Variants in BIRC6 observed in about 807,000 individuals in gnomAD.
The protein encoded by BIRC6 is baculoviral IAP repeat containing 6.
In BIRC6, 98 loss-of-function variants were observed where a neutral mutation model predicts 503.3. That is an observed-to-expected ratio of 0.19 (90% CI 0.17 to 0.23). BIRC6 has a LOEUF of 0.23. Among genes scored for constraint, BIRC6 ranks in the 10% least tolerant of loss-of-function variants. The pLI is 1.00. For missense variants in BIRC6, 5,360 were observed against 5,806.0 expected (o/e 0.92, Z 2.50); for synonymous variants, 2,240 against 2,078.7 (o/e 1.08, Z -2.11).
Position 32,545,842 on chromosome 2 carries a change from T to C in BIRC6, c.12792T>C (p.Ser4264=), listed in dbSNP as rs745952371. Residue 4264 remains serine, a synonymous_variant, in exon 63 of 74, where the codon TCT becomes TCC. Transcript: ENST00000421745. ...LSHHSPRVPN[S]SVNQTEPQVS... is the part of the protein sequence containing the mutation. Reference sequence around the variant, plus strand: ...ACCATTCCCCACGAGTTCCAAACTCTAGCGTGAATCAAACTGAGGTAGGTT... The same window carrying C: ...ACCATTCCCCACGAGTTCCAAACTCCAGCGTGAATCAAACTGAGGTAGGTT... 2.5e-6 allele frequency: 4 copies of C among 1,613,356 alleles called. No homozygotes were observed. Among genetic ancestry groups the C allele is most frequent in the African/African-American group, 1.3e-5 (1 of 74,904 alleles).
chr2:32,524,332 A>G (rs997094075), intron 57 of BIRC6, among the ~76,000 whole-genome samples: 5 of 152,182 alleles, frequency 3.3e-5, no homozygotes, highest in East Asian at 1.9e-4. Context: ...TTTGTCCTAA[A>G]TAAAAATTAA....
chr2:32,358,596 T>A (rs909751795), intron 1 of BIRC6, among the ~76,000 whole-genome samples: 2 of 152,218 alleles, frequency 1.3e-5, no homozygotes, highest in African/African-American at 4.8e-5. Flanking sequence ...GTGGAAGTAG[T>A]TATGTGGTCA....
intron 6 of BIRC6, among the ~76,000 whole-genome samples, chr2:32,399,779 T>A (rs1332208214): frequency 6.6e-6 from 1 of 151,890 alleles, no homozygotes; most frequent in Non-Finnish European, 1.5e-5. Flanking sequence ...ATATTTTAAT[T>A]TAAATTTTTA....
intron 61 of BIRC6, among the ~76,000 whole-genome samples, chr2:32,542,670 TTAAA>T (rs2057760325): frequency 6.6e-6 from 1 of 152,236 alleles, no homozygotes; most frequent in African/African-American, 2.4e-5. Context: ...AATAAGATGT[TTAAA>T]TAGTCTCAAG....
At chr2:32,527,358 T>C (rs2056363206) in intron 59 of BIRC6, 1 of 152,252 alleles carries the variant, frequency 6.6e-6, no homozygotes, top group African/African-American at 2.4e-5. Context: ...AACTAATGTT[T>C]ATGCCATGTA....
intron 65 of BIRC6, chr2:32,574,643 G>T: frequency 6.1e-6 from 1 of 164,302 alleles, no homozygotes. Flanking sequence ...TTCATGTTGA[G>T]TAGCCTAATG....
At chr2:32,472,104 T>C (rs2049173442) in intron 32 of BIRC6, among the ~76,000 whole-genome samples, 1 of 152,246 alleles carries the variant, frequency 6.6e-6, no homozygotes, top group Non-Finnish European at 1.5e-5. Flanking sequence ...TCTCGTTCTG[T>C]GGCCCAGGTT....
chr2:32,417,317 A>G (rs2042480926), intron 10 of BIRC6, among the ~76,000 whole-genome samples: 1 of 151,372 alleles, frequency 6.6e-6, no homozygotes, highest in South Asian at 2.1e-4. Context: ...TAATTGTTGT[A>G]TTTTTTTGTA....
intron 65 of BIRC6, among the ~76,000 whole-genome samples, chr2:32,570,279 C>A (rs2059828432): frequency 6.6e-6 from 1 of 151,750 alleles, no homozygotes; most frequent in Admixed American, 6.6e-5. Context: ...GATGTATTAT[C>A]TTTTTTTTGT....
chr2:32,417,407 G>T (rs142778281), intron 10 of BIRC6, among the ~76,000 whole-genome samples: 15 of 152,144 alleles, frequency 9.9e-5, no homozygotes, highest in African/African-American at 3.6e-4. Context: ...GCCTCCCAAA[G>T]TGCTGGGATT....
At chr2:32,432,646 G>A (rs928916454) in intron 12 of BIRC6, among the ~76,000 whole-genome samples, 6 of 151,658 alleles carry the variant, frequency 4.0e-5, no homozygotes, top group African/African-American at 7.3e-5. Context: ...TGTGGTCCCA[G>A]ATACTTGGGA....
At chr2:32,367,010 G>T (rs2035037368) in intron 1 of BIRC6, among the ~76,000 whole-genome samples, 1 of 152,076 alleles carries the variant, frequency 6.6e-6, no homozygotes, top group Admixed American at 6.5e-5. Context: ...TTTGCATACT[G>T]TAGAACTGTA....
chr2:32,412,714 C>T (rs2042020338), intron 9 of BIRC6, among the ~76,000 whole-genome samples: 1 of 151,270 alleles, frequency 6.6e-6, no homozygotes. Context: ...CACTGATAAT[C>T]AGCAGAGGAT....
chr2:32,525,637 C>T lies in BIRC6; in HGVS notation c.11920+9C>T, dbSNP rs1558972188. 1.2e-6 allele frequency: 2 copies of T among 1,605,536 alleles called. No individual in the cohort carries two copies. The highest frequency in any genetic ancestry group is 1.7e-6 in the Non-Finnish European group (2 of 1,176,234). ...TCACAAACTCTTGGCAGGTAATATT[C>T]CTCAATGAATAAACGTCAAAGAAAT... On this transcript the variant is annotated intron_variant, in intron 59 of 73. Coordinates refer to ENST00000421745, the MANE Select transcript of BIRC6 (RefSeq NM_016252.4).
At chr2:32,540,344 C>T (rs979551777) in intron 61 of BIRC6, among the ~76,000 whole-genome samples, 2 of 151,996 alleles carry the variant, frequency 1.3e-5, no homozygotes, top group Admixed American at 6.6e-5. Flanking sequence ...GTTGGAATAT[C>T]GTAATTCCTA....
intron 1 of BIRC6, among the ~76,000 whole-genome samples, chr2:32,363,312 ACT>A (rs1381194795): frequency 6.6e-6 from 1 of 151,964 alleles, no homozygotes; most frequent in Non-Finnish European, 1.5e-5. Context: ...ACAGAGCAAG[ACT>A]CTGTCTCAAA....
intron 8 of BIRC6, among the ~76,000 whole-genome samples, chr2:32,406,109 AG>A (rs2041182272): frequency 6.6e-6 from 1 of 152,166 alleles, no homozygotes; most frequent in African/African-American, 2.4e-5. Context: ...CTGTACTTTC[AG>A]GCCAGGCATA....
At chr2:32,429,083 T>C in intron 10 of BIRC6, 63 bp from the exon 11 acceptor site, 1 of 1,361,452 alleles carries the variant, frequency 7.3e-7, no homozygotes, top group South Asian at 1.4e-5. Flanking sequence ...TAAGTAGTAT[T>C]ACATTTGAAT....
intron 44 of BIRC6, 25 bp downstream of exon 44, chr2:32,491,583 AT>A: frequency 1.9e-6 from 3 of 1,607,952 alleles, no homozygotes; most frequent in Non-Finnish European, 2.5e-6. Context: ...AGCCTGGCAT[AT>A]GCCCAGACTA....
Sources: gnomAD v4.1 joint callset for allele counts (sites outside exome capture counted in the v4.1 genomes callset) on GRCh38, gnomAD v4.1.1 for gene constraint, MANE v1.5 for transcripts, NCBI Gene and HGNC (gene_info 2026-07-23, HGNC 2026-07-21) for gene names.